The following KANK1 variants were observed in gnomAD, a reference collection of about 807,000 sequenced individuals.
KANK1 encodes the protein KN motif and ankyrin repeat domain-containing protein 1.
A neutral mutation model predicts 106.2 loss-of-function variants in KANK1; 109 were observed. The observed-to-expected ratio is 1.03, with a 90% CI of 0.88 to 1.20. KANK1 has a LOEUF of 1.20. Among genes scored for constraint, KANK1 ranks in the 50% most tolerant of loss-of-function variants. The pLI, the probability that KANK1 is intolerant of heterozygous loss-of-function variation, is 0.00. For synonymous variants in KANK1, 873 were observed against 652.2 expected (o/e 1.34, Z -5.16); for missense variants, 2,399 against 1,710.7 (o/e 1.40, Z -7.10).
At chr9:727,038 C>T (rs930010154) in intron 3 of KANK1, among the ~76,000 whole-genome samples, 1 of 152,220 alleles carries the variant, frequency 6.6e-6, no homozygotes, top group Non-Finnish European at 1.5e-5. Flanking sequence ...TTTTAATACA[C>T]ATCATGCTCA....
intron 1 of KANK1, among the ~76,000 whole-genome samples, chr9:589,810 C>T (rs35171626): frequency 0.026 from 3,936 of 152,164 alleles, 71 homozygotes; most frequent in Middle Eastern, 0.041. Flanking sequence ...AAAGGGAAAC[C>T]ATTTAGAGTA....
At chr9:599,666 C>T (rs12344866) in intron 1 of KANK1, among the ~76,000 whole-genome samples, 11,458 of 151,792 alleles carry the variant, frequency 0.075, 1,344 homozygotes, top group East Asian at 0.24. Context: ...GGTCCACGTG[C>T]AGGTCTGCTT....
intron 1 of KANK1, among the ~76,000 whole-genome samples, chr9:630,565 C>T (rs1325970277): frequency 6.6e-6 from 1 of 151,772 alleles, no homozygotes; most frequent in East Asian, 1.9e-4. Flanking sequence ...AAAGTAATAA[C>T]CTGAAGAGTA....
chr9:676,498 T>A (rs1038743208), intron 1 of KANK1, among the ~76,000 whole-genome samples: 4 of 152,214 alleles, frequency 2.6e-5, no homozygotes, highest in African/African-American at 9.7e-5. Flanking sequence ...GCTTTGAAAT[T>A]GCAGTTGAAT....
chr9:744,910 C>T (rs1836793627), intron 11 of KANK1: 1 of 1,418,762 alleles, frequency 7.0e-7, no homozygotes. Context: ...TGGCATTGTT[C>T]CTGAAGCAGA....
chr9:506,562 G>T (rs760591439), intron 1 of KANK1, among the ~76,000 whole-genome samples: 4 of 151,932 alleles, frequency 2.6e-5, no homozygotes, highest in Admixed American at 6.6e-5. Flanking sequence ...GTGCGTGCGC[G>T]CTCGGCAGGG....
chr9:734,437 A>C (rs1172152143), intron 6 of KANK1: 1 of 249,860 alleles, frequency 4.0e-6, no homozygotes, highest in Non-Finnish European at 8.1e-6. Context: ...AGGCCGAGGC[A>C]GGTGGATCAC....
At chr9:561,044 C>T (rs1165082835) in intron 1 of KANK1, among the ~76,000 whole-genome samples, 1 of 152,118 alleles carries the variant, frequency 6.6e-6, no homozygotes, top group Non-Finnish European at 1.5e-5. Flanking sequence ...GTTAGGCTAC[C>T]TCCGAGGGCT....
intron 1 of KANK1, among the ~76,000 whole-genome samples, chr9:675,621 T>C (rs1816258646): frequency 1.3e-5 from 2 of 152,170 alleles, no homozygotes; most frequent in South Asian, 2.1e-4. Context: ...TATTGCCCAA[T>C]GTGGACCCCG....
intron 1 of KANK1, among the ~76,000 whole-genome samples, chr9:519,180 G>A (rs1247057531): frequency 6.6e-6 from 1 of 151,672 alleles, no homozygotes; most frequent in Non-Finnish European, 1.5e-5. Context: ...ATGAGACACT[G>A]CGCCCAGTGT....
At chr9:731,780 A>C (rs933915223) in intron 5 of KANK1, 2 of 153,942 alleles carry the variant, frequency 1.3e-5, no homozygotes, top group African/African-American at 4.8e-5. Flanking sequence ...TTCTCTTTGC[A>C]TTGGCCCACG....
At chr9:662,956 C>A (rs540070199) in intron 1 of KANK1, among the ~76,000 whole-genome samples, 2 of 152,300 alleles carry the variant, frequency 1.3e-5, no homozygotes, top group Non-Finnish European at 2.9e-5. Context: ...GCCACCACGC[C>A]AGGCCTAAAC....
At chr9:737,450 T>C (rs575791067) in intron 7 of KANK1, among the ~76,000 whole-genome samples, 2 of 152,318 alleles carry the variant, frequency 1.3e-5, no homozygotes, top group South Asian at 4.1e-4. Context: ...ATTAAACTCA[T>C]ATGAAGGCCC....
intron 1 of KANK1, among the ~76,000 whole-genome samples, chr9:596,345 T>C (rs2641995): frequency 0.42 from 64,072 of 151,738 alleles, 15,878 homozygotes; most frequent in South Asian, 0.58. Flanking sequence ...TTTCCTCACC[T>C]GTAAGGGAGG....
At chr9:476,292 G>T (rs542284886) in intron 3 of KANK1, among the ~76,000 whole-genome samples, 3 of 152,096 alleles carry the variant, frequency 2.0e-5, no homozygotes, top group Non-Finnish European at 4.4e-5. Context: ...AGGCCGAGGC[G>T]GGTGGATCAC....
intron 3 of KANK1, among the ~76,000 whole-genome samples, chr9:494,883 G>A (rs1449838843): frequency 6.6e-6 from 1 of 151,942 alleles, no homozygotes; most frequent in Non-Finnish European, 1.5e-5. Flanking sequence ...AAATAGATCA[G>A]CTCTCTTAGA....
chr9:734,761 G>A lies in KANK1; in HGVS notation c.3259G>A (p.Glu1087Lys), dbSNP rs754243668. ...TTCTCCTTTCAGGTATGAATTAAGT[G>A]AAAAGATGTTGTCTGCATGCAACTT... ...VEIRERYELS[E>K]KMLSACNLLK... The change falls in exon 7 of 12, where the codon GAA becomes AAA. Residue 1087 changes from glutamate (E) to lysine (K), a missense_variant. Transcript: ENST00000382297. 2.5e-6 allele frequency: 4 copies of A among 1,610,602 alleles called. 1 individual carries two copies. Among genetic ancestry groups the A allele is most frequent in the South Asian group, 2.2e-5 (2 of 91,014 alleles).
intron 1 of KANK1, among the ~76,000 whole-genome samples, chr9:653,543 A>G (rs890435005): frequency 1.3e-5 from 2 of 152,140 alleles, no homozygotes; most frequent in Admixed American, 1.3e-4. Context: ...TGGATATTTA[A>G]TAAAGGCTGC....
chr9:551,355 T>C (rs1563755694), intron 1 of KANK1, among the ~76,000 whole-genome samples: 1 of 152,080 alleles, frequency 6.6e-6, no homozygotes, highest in Non-Finnish European at 1.5e-5. Flanking sequence ...CTTGGTTTTA[T>C]AGGCGTGATT....
Sources: allele counts gnomAD v4.1 joint callset (sites outside exome capture counted in the v4.1 genomes callset), GRCh38; gene constraint gnomAD v4.1.1; transcripts MANE v1.5; gene names NCBI Gene and HGNC (gene_info 2026-07-23, HGNC 2026-07-21).